CDK17: variants seen among roughly 807,000 people sequenced by gnomAD.
The protein encoded by CDK17 is cyclin-dependent kinase 17.
A neutral mutation model predicts 77.6 loss-of-function variants in CDK17; 24 were observed. The ratio of observed to expected loss-of-function variants is 0.31; its 90% CI spans 0.22 to 0.44. The LOEUF (loss-of-function observed/expected upper bound fraction) is 0.44, where lower values mean the gene tolerates loss of function less well. Ranked by LOEUF, CDK17 falls within the 20% of genes least tolerant of loss-of-function variation. The probability of loss-of-function intolerance (pLI) is 1.00; values close to 1 mark genes in which losing one functional copy is unlikely to be tolerated. For synonymous variants in CDK17, 203 were observed against 210.4 expected, an observed-to-expected ratio of 0.96 and a Z score of 0.30; for missense variants, 429 against 622.5, an observed-to-expected ratio of 0.69 and a Z score of 3.31.
chr12:96,312,122 C>G (rs543007481), intron 4 of CDK17, among the ~76,000 whole-genome samples: 1 of 151,666 alleles, frequency 6.6e-6, no homozygotes, highest in Non-Finnish European at 1.5e-5. Context: ...ACAAAAAATA[C>G]AAAAAAATTA....
chr12:96,336,481 T>A (rs1481292411), intron 1 of CDK17, among the ~76,000 whole-genome samples: 2 of 152,204 alleles, frequency 1.3e-5, no homozygotes, highest in Non-Finnish European at 2.9e-5. Flanking sequence ...TGTTTTTTAA[T>A]AATTTTTTAA....
At chr12:96,391,036 G>C (rs1375111366) in intron 1 of CDK17, among the ~76,000 whole-genome samples, 1 of 149,972 alleles carries the variant, frequency 6.7e-6, no homozygotes, top group Non-Finnish European at 1.5e-5. Context: ...GTAGTGAGCT[G>C]AGATTGCACC....
At chr12:96,369,728 A>C (rs1385945808) in intron 1 of CDK17, among the ~76,000 whole-genome samples, 1 of 152,210 alleles carries the variant, frequency 6.6e-6, no homozygotes, top group East Asian at 1.9e-4. Context: ...GCAGTGAGCC[A>C]AGATGGGGCC....
chr12:96,336,402 C>T (rs1214550777), intron 1 of CDK17, among the ~76,000 whole-genome samples: 1 of 152,142 alleles, frequency 6.6e-6, no homozygotes, highest in Non-Finnish European at 1.5e-5. Flanking sequence ...GAATTTGAGG[C>T]TGCAGTGAGC....
intron 10 of CDK17, among the ~76,000 whole-genome samples, chr12:96,290,128 C>T (rs1473725827): frequency 6.6e-6 from 1 of 152,114 alleles, no homozygotes; most frequent in Non-Finnish European, 1.5e-5. Context: ...GGCCCATGGG[C>T]CATGGGTTGG....
intron 11 of CDK17, among the ~76,000 whole-genome samples, chr12:96,287,193 G>C (rs1331088207): frequency 6.6e-6 from 1 of 152,158 alleles, no homozygotes; most frequent in Non-Finnish European, 1.5e-5. Context: ...AGTGAGTGAA[G>C]CTAGGCAGGA....
intron 5 of CDK17, 129 bp downstream of exon 5, chr12:96,310,923 A>G (rs541950503): frequency 3.2e-6 from 3 of 933,926 alleles, no homozygotes; most frequent in Non-Finnish European, 3.2e-6. Context: ...ATAAAAATCG[A>G]GAAGGCAATA....
At chr12:96,336,465 AAAT>A (rs1457741299) in intron 1 of CDK17, among the ~76,000 whole-genome samples, 3 of 152,360 alleles carry the variant, frequency 2.0e-5, no homozygotes, top group Non-Finnish European at 2.9e-5. Context: ...ATGCTCTCTT[AAAT>A]AATGTTTTTT....
intron 1 of CDK17, among the ~76,000 whole-genome samples, chr12:96,347,634 AGGGG>A (rs1483853949): frequency 2.9e-4 from 4 of 13,704 alleles, no homozygotes; most frequent in Admixed American, 1.1e-3. Context: ...AAGGGAGGGG[AGGGG>A]AGGGGAGGGG....
rs1952671384 is a variant in CDK17, at chr12:96,313,605, G to C, written c.284-151C>G. 6 of 429,128 alleles carry C rather than the reference G, an allele frequency of 1.4e-5. No homozygotes were observed. The East Asian group carries it at 1.8e-4, about 13-fold the overall frequency. 26.6% of individuals were successfully genotyped at this position (429,128 alleles called of 1,614,324 possible). ...GGGTGCCACAGGTATGCAGTTAATA[G>C]ATGAAAACATGACTCAAATGTCTTA... On this transcript the variant is annotated intron_variant, in intron 3 of 16. Coordinates refer to ENST00000261211, the MANE Select transcript of CDK17 (RefSeq NM_002595.5).
Position 96,397,827 on chromosome 12 carries a change from C to A in CDK17, c.-30+2159G>T, listed in dbSNP as rs190059676. On this transcript the variant is annotated intron_variant, in intron 1 of 16. Coordinates refer to ENST00000261211, the MANE Select transcript of CDK17 (RefSeq NM_002595.5). ...AAAACAACAATTATTAATTATATGA[C>A]CTGTTAATTTCACAAAAGTCTCTAA... 6.6e-5 allele frequency among the ~76,000 whole-genome samples: 10 copies of A among 152,128 alleles called. No homozygotes were observed. In the East Asian group the frequency reaches 1.7e-3, roughly 26 times the overall value.
At chr12:96,399,660 T>G (rs1954227016) in intron 1 of CDK17, among the ~76,000 whole-genome samples, 1 of 150,496 alleles carries the variant, frequency 6.6e-6, no homozygotes, top group Non-Finnish European at 1.5e-5. Context: ...GAGACCGGCC[T>G]CCCCCGCAGA....
At chr12:96,292,137 C>T (rs531627661) in intron 10 of CDK17, among the ~76,000 whole-genome samples, 17 of 152,272 alleles carry the variant, frequency 1.1e-4, no homozygotes, top group African/African-American at 4.1e-4. Flanking sequence ...GTAACCCACA[C>T]ATTTCCTTTT....
chr12:96,330,309 C>T (rs956502681), intron 2 of CDK17, among the ~76,000 whole-genome samples: 1 of 150,920 alleles, frequency 6.6e-6, no homozygotes, highest in Non-Finnish European at 1.5e-5. Flanking sequence ...AAAAAAAAGA[C>T]ATCAAATACA....
chr12:96,294,457 C>T (rs1952372084), intron 10 of CDK17, among the ~76,000 whole-genome samples: 1 of 151,654 alleles, frequency 6.6e-6, no homozygotes, highest in Non-Finnish European at 1.5e-5. Flanking sequence ...GTGGCGCATG[C>T]CTGTAATCCC....
intron 3 of CDK17, among the ~76,000 whole-genome samples, chr12:96,320,259 A>G (rs1354681524): frequency 6.9e-5 from 10 of 145,274 alleles, no homozygotes; most frequent in African/African-American, 1.0e-4. Context: ...AGGGATGTGA[A>G]GGACCTCTTC....
intron 10 of CDK17, 136 bp downstream of exon 10, chr12:96,294,863 A>T: frequency 1.5e-6 from 1 of 683,288 alleles, no homozygotes; most frequent in South Asian, 2.3e-5. Context: ...GTTCTGTCAA[A>T]TATCTTATTC....
intron 1 of CDK17, among the ~76,000 whole-genome samples, chr12:96,350,696 C>T (rs920285042): frequency 6.6e-6 from 1 of 152,012 alleles, no homozygotes; most frequent in Admixed American, 6.6e-5. Context: ...GGACCATTAC[C>T]TTACACCATA....
chr12:96,281,557 C>T (rs1333548945), intron 15 of CDK17, among the ~76,000 whole-genome samples: 4 of 152,174 alleles, frequency 2.6e-5, no homozygotes, highest in African/African-American at 7.2e-5. Flanking sequence ...TTAGTAGAGA[C>T]GGGGTTTCCC....
Sources: gnomAD v4.1 joint callset for allele counts (sites outside exome capture counted in the v4.1 genomes callset) on GRCh38, gnomAD v4.1.1 for gene constraint, MANE v1.5 for transcripts, NCBI Gene and HGNC (gene_info 2026-07-23, HGNC 2026-07-21) for gene names.